CUX1: variants seen among roughly 807,000 people sequenced by gnomAD.
The protein encoded by CUX1 is cut like homeobox 1, also known as protein CASP.
In CUX1, 31 loss-of-function variants were observed where a neutral mutation model predicts 158.8. That is an observed-to-expected ratio of 0.20 (90% CI 0.15 to 0.26). The LOEUF (loss-of-function observed/expected upper bound fraction) is 0.26. Among genes scored for constraint, CUX1 ranks in the 10% least tolerant of loss-of-function variants. The probability of loss-of-function intolerance (pLI) is 1.00; values close to 1 mark genes in which losing one functional copy is unlikely to be tolerated. For synonymous variants in CUX1, 879 were observed against 862.1 expected (o/e 1.02, Z -0.34); for missense variants, 1,589 against 2,014.6 (o/e 0.79, Z 4.04).
intron 2 of CUX1, among the ~76,000 whole-genome samples, chr7:101,919,104 A>G (rs990438110): frequency 3.9e-5 from 6 of 152,212 alleles, no homozygotes; most frequent in Admixed American, 2.6e-4. Context: ...TTGAAACCAC[A>G]TAAGACCAGA....
At chr7:101,975,891 A>G (rs1335383233) in intron 2 of CUX1, among the ~76,000 whole-genome samples, 1 of 152,214 alleles carries the variant, frequency 6.6e-6, no homozygotes, top group African/African-American at 2.4e-5. Context: ...CTGTAACCCC[A>G]GCACTTTGGG....
In CUX1 at chr7:102,244,539, T is replaced by C. The variant is rs575223516; in HGVS notation, c.3888-3873T>C. Among the ~76,000 whole-genome samples the C allele has an allele frequency of 4.0e-5, 6 of 151,576 alleles. No individual in the cohort carries two copies. In the East Asian group the frequency reaches 1.2e-3, roughly 29 times the overall value. On this transcript the variant is annotated intron_variant, in intron 23 of 23. Transcript: ENST00000292535. ...ATAGTGAGACCACGTCTACAAAAAA[T>C]AGAAAAACAGGCGGGCGTGGTGGTG...
chr7:102,082,861 A>G (rs1455662316), intron 4 of CUX1, among the ~76,000 whole-genome samples: 4 of 147,462 alleles, frequency 2.7e-5, no homozygotes, highest in African/African-American at 9.7e-5. Context: ...AGTTATGTTG[A>G]CAGACATTTG....
intron 22 of CUX1, among the ~76,000 whole-genome samples, chr7:102,235,792 ACAC>A (rs1799498715): frequency 8.3e-6 from 1 of 120,318 alleles, no homozygotes; most frequent in Non-Finnish European, 1.7e-5. Context: ...ACACACACAC[ACAC>A]ACACGCGCAC....
intron 2 of CUX1, among the ~76,000 whole-genome samples, chr7:101,940,105 T>C (rs973124586): frequency 7.2e-6 from 1 of 139,486 alleles, no homozygotes; most frequent in Non-Finnish European, 1.6e-5. Context: ...CCGGGCATGG[T>C]GGTGTAAGCC....
chr7:102,275,651 C>T (rs1240269982), intron 17 of CUX1, among the ~76,000 whole-genome samples: 12 of 152,210 alleles, frequency 7.9e-5, no homozygotes, highest in African/African-American at 2.6e-4. Flanking sequence ...GGCTGGGAGG[C>T]GTGGCCTTCA....
At chr7:101,976,900 A>ATTT (rs10643207) in intron 2 of CUX1, among the ~76,000 whole-genome samples, 2,157 of 39,430 alleles carry the variant, frequency 0.055, 610 homozygotes, top group African/African-American at 0.15. Flanking sequence ...TCCCTTTCTG[A>ATTT]TTTTTTTTTT....
At chr7:102,273,636 C>A in intron 15 of CUX1, 1 of 1,070,808 alleles carries the variant, frequency 9.3e-7, no homozygotes, top group Non-Finnish European at 1.3e-6. Flanking sequence ...CCATTGGGTT[C>A]TCCCTGCTTA....
intron 4 of CUX1, among the ~76,000 whole-genome samples, chr7:102,081,249 G>A (rs118160651): frequency 6.6e-6 from 1 of 152,216 alleles, no homozygotes; most frequent in Non-Finnish European, 1.5e-5. Context: ...AAAAGAGAAT[G>A]ATCATTTCCC....
intron 2 of CUX1, among the ~76,000 whole-genome samples, chr7:101,967,234 T>C (rs425768): frequency 0.57 from 86,827 of 151,838 alleles, 26,322 homozygotes; most frequent in Middle Eastern, 0.71. Context: ...AGGCTGGTCT[T>C]GAACTCCTGA....
At chr7:102,073,519 A>G (rs986328801) in intron 4 of CUX1, among the ~76,000 whole-genome samples, 3 of 152,120 alleles carry the variant, frequency 2.0e-5, no homozygotes, top group South Asian at 2.1e-4. Context: ...CAAAAAGTCA[A>G]ATTTGTACCT....
Position 102,148,287 on chromosome 7 carries a change from C to G in CUX1, c.675-10273C>G, listed in dbSNP as rs895962549. Among the ~76,000 whole-genome samples the G allele has an allele frequency of 1.6e-4, 24 of 152,272 alleles. 1 individual carries two copies. The Middle Eastern group carries it at 0.01, about 65-fold the overall frequency. On this transcript the variant is annotated intron_variant, in intron 8 of 23. Transcript: ENST00000292535. ...GGCACGGTGGCTCACACCTGTGATCCTAACACCTTGGGAGGCCAAGGCAGG... is the reference window on the plus strand; with the variant it reads ...GGCACGGTGGCTCACACCTGTGATCGTAACACCTTGGGAGGCCAAGGCAGG...
chr7:101,874,749 A>G (rs1222365770), intron 1 of CUX1, among the ~76,000 whole-genome samples: 2 of 152,198 alleles, frequency 1.3e-5, no homozygotes, highest in Non-Finnish European at 2.9e-5. Flanking sequence ...GTTGTAACAA[A>G]GATTCTAAGG....
At chr7:102,028,551 C>T (rs1046960690) in intron 3 of CUX1, among the ~76,000 whole-genome samples, 6 of 152,124 alleles carry the variant, frequency 3.9e-5, no homozygotes, top group African/African-American at 7.2e-5. Context: ...GAGAGGCTGG[C>T]GGGGGCACAG....
In CUX1 at chr7:102,283,322, G is replaced by A. The variant is rs75580662; in HGVS notation, c.*232G>A. ...CCCCAATGCCCGGCCAGGCTAAGCCGCAGAGACCCTCTCAGCCCCCACCTC... is the reference window on the plus strand; with the variant it reads ...CCCCAATGCCCGGCCAGGCTAAGCCACAGAGACCCTCTCAGCCCCCACCTC... On this transcript the variant is annotated 3_prime_UTR_variant, in exon 23 of 23. Transcript: ENST00000292538. 3.8e-3 allele frequency: 2,126 copies of A among 555,860 alleles called. 27 individuals are homozygous for A. Among genetic ancestry groups the A allele is most frequent in the African/African-American group, 0.037 (1,976 of 53,056 alleles). 34.4% of individuals were successfully genotyped at this position (555,860 alleles called of 1,614,324 possible).
At chr7:102,115,159 A>G (rs782668108) in intron 7 of CUX1, 48 bp from the exon 8 acceptor site, 3 of 1,540,838 alleles carry the variant, frequency 1.9e-6, no homozygotes, top group South Asian at 2.3e-5. Context: ...CTGTGTATGC[A>G]TTCTTTTAAA....
chr7:102,252,018 G>T lies in CUX1; in HGVS notation c.*2976G>T. The T allele has an allele frequency of 2.0e-6, 2 of 985,226 alleles. No homozygotes were observed. The highest frequency in any genetic ancestry group is 2.4e-6 in the Non-Finnish European group (2 of 829,900). 61.0% of individuals were successfully genotyped at this position (985,226 alleles called of 1,614,324 possible). On this transcript the variant is annotated 3_prime_UTR_variant, in exon 24 of 24. Transcript: ENST00000292535. ...TAGATTTTTAACTAGGTTACTGTTG[G>T]TTCCCATTCTGTCTTTTTTGCCAGA...
At chr7:101,970,456 G>C (rs1357789250) in intron 2 of CUX1, among the ~76,000 whole-genome samples, 1 of 152,146 alleles carries the variant, frequency 6.6e-6, no homozygotes, top group African/African-American at 2.4e-5. Flanking sequence ...ACCCCACCGA[G>C]GTTTGCACAC....
intron 2 of CUX1, among the ~76,000 whole-genome samples, chr7:101,995,046 C>T (rs919882323): frequency 8.6e-5 from 13 of 151,754 alleles, no homozygotes; most frequent in Non-Finnish European, 7.4e-5. Flanking sequence ...CTGTGAGCTG[C>T]GATCCTGCCA....
Sources: gnomAD v4.1 joint callset for allele counts (sites outside exome capture counted in the v4.1 genomes callset) on GRCh38, gnomAD v4.1.1 for gene constraint, MANE v1.5 for transcripts, NCBI Gene and HGNC (gene_info 2026-07-23, HGNC 2026-07-21) for gene names.